The following PRKN variants were observed in gnomAD, a reference collection of about 807,000 sequenced individuals.
The protein encoded by PRKN is E3 ubiquitin-protein ligase parkin.
In PRKN, 56 loss-of-function variants were observed where a neutral mutation model predicts 59.5. The observed-to-expected ratio is 0.94, with a 90% confidence interval of 0.76 to 1.18. The LOEUF (loss-of-function observed/expected upper bound fraction) is 1.18. PRKN is among the 50% of genes most tolerant of loss of function. PRKN has a pLI of 0.00. For synonymous variants in PRKN, 250 were observed against 222.1 expected (o/e 1.13, Z -1.12); for missense variants, 657 against 596.4 (o/e 1.10, Z -1.06).
At chr6:162,276,358 T>G (rs1017650981) in intron 2 of PRKN, among the ~76,000 whole-genome samples, 1 of 152,158 alleles carries the variant, frequency 6.6e-6, no homozygotes, top group African/African-American at 2.4e-5. Flanking sequence ...AGTTTAAGTT[T>G]TTCTGCTTGT....
Position 161,442,957 on chromosome 6 carries a change from G to A in PRKN, c.1084-56080C>T, listed in dbSNP as rs1181271904. ...TCCCCAGTGCACAGATGAGGAAATCGGGGCTCTGAGAGGTTAACTGACCTG... is the reference window on the plus strand; with the variant it reads ...TCCCCAGTGCACAGATGAGGAAATCAGGGCTCTGAGAGGTTAACTGACCTG... On this transcript the variant is annotated intron_variant, in intron 9 of 11. Coordinates refer to ENST00000366898, the MANE Select transcript of PRKN (RefSeq NM_004562.3). The surrounding 1 kb of genome is among the most constrained non-coding windows in gnomAD (Gnocchi z 4.6). Among the ~76,000 whole-genome samples the A allele has an allele frequency of 4.6e-5, 7 of 152,156 alleles. No homozygotes were observed. Among genetic ancestry groups the A allele is most frequent in the South Asian group, 2.1e-4 (1 of 4,818 alleles).
At chr6:162,541,683 C>T (rs1468613413) in intron 1 of PRKN, among the ~76,000 whole-genome samples, 1 of 152,100 alleles carries the variant, frequency 6.6e-6, no homozygotes, top group East Asian at 1.9e-4. Context: ...GTTTGGCATC[C>T]CTCCTCTATT....
At chr6:162,720,820 A>C (rs1010868255) in intron 1 of PRKN, among the ~76,000 whole-genome samples, 2 of 152,196 alleles carry the variant, frequency 1.3e-5, no homozygotes, top group African/African-American at 4.8e-5. Flanking sequence ...ACTATTCTGC[A>C]CTATTCTGGG....
At chr6:162,351,506 C>G (rs934669739) in intron 2 of PRKN, among the ~76,000 whole-genome samples, 5 of 152,128 alleles carry the variant, frequency 3.3e-5, no homozygotes, top group Non-Finnish European at 7.3e-5. Context: ...AATGGTACAA[C>G]TACTTTGGAG....
intron 2 of PRKN, among the ~76,000 whole-genome samples, chr6:162,292,251 A>G (rs1430066320): frequency 6.6e-6 from 1 of 152,168 alleles, no homozygotes; most frequent in African/African-American, 2.4e-5. Context: ...GGTGTGAGCC[A>G]CTGCGCCCGG....
At chr6:161,822,275 A>G (rs1179636081) in intron 6 of PRKN, among the ~76,000 whole-genome samples, 4 of 152,204 alleles carry the variant, frequency 2.6e-5, no homozygotes, top group African/African-American at 4.8e-5. Context: ...AGGGTTTGTT[A>G]TAAGACTTCC....
chr6:162,243,502 T>C (rs939063480), intron 3 of PRKN, among the ~76,000 whole-genome samples: 1 of 152,130 alleles, frequency 6.6e-6, no homozygotes, highest in East Asian at 1.9e-4. Context: ...AAAAAAGTCA[T>C]TGAAATTTTA....
Position 161,837,101 on chromosome 6 carries a change from T to C in PRKN, c.735-51193A>G, listed in dbSNP as rs564212783. ...GCATGGTGCTGTTAATTTTTCAGCA[T>C]AGGGGACGCTCTGCCTGTGACACCA... is the stretch of plus-strand genomic sequence containing the variant. On this transcript the variant is annotated intron_variant, in intron 6 of 11. Transcript: ENST00000366898. Among the ~76,000 whole-genome samples the C allele has an allele frequency of 3.0e-3, 453 of 152,216 alleles. 2 individuals are homozygous for C. Among genetic ancestry groups the C allele is most frequent in the Non-Finnish European group, 5.4e-3 (370 of 68,016 alleles).
At chr6:161,659,360 G>A (rs1024029603) in intron 7 of PRKN, among the ~76,000 whole-genome samples, 1 of 152,138 alleles carries the variant, frequency 6.6e-6, no homozygotes, top group Admixed American at 6.5e-5. Flanking sequence ...GCACAGTGTA[G>A]ATGACACTAA....
At chr6:162,355,244 A>G (rs1328281145) in intron 2 of PRKN, among the ~76,000 whole-genome samples, 1 of 151,046 alleles carries the variant, frequency 6.6e-6, no homozygotes, top group Non-Finnish European at 1.5e-5. Flanking sequence ...TAGAGATCTA[A>G]AACATAATTA....
intron 8 of PRKN, among the ~76,000 whole-genome samples, chr6:161,558,341 C>T (rs962347399): frequency 1.1e-4 from 16 of 151,996 alleles, no homozygotes; most frequent in African/African-American, 3.9e-4. Flanking sequence ...GTGGGAGGAT[C>T]GTTTGAGACC....
At chr6:162,611,659 A>G (rs1279361993) in intron 1 of PRKN, among the ~76,000 whole-genome samples, 1 of 152,178 alleles carries the variant, frequency 6.6e-6, no homozygotes, top group African/African-American at 2.4e-5. Context: ...TTGTTAAAAT[A>G]ATTTCATGTG....
chr6:162,265,915 A>G (rs1476547495), intron 2 of PRKN, among the ~76,000 whole-genome samples: 1 of 152,150 alleles, frequency 6.6e-6, no homozygotes, highest in African/African-American at 2.4e-5. Flanking sequence ...AATGGCAGAC[A>G]GTCCTCTATT....
chr6:162,423,871 A>G (rs1789097136), intron 2 of PRKN, among the ~76,000 whole-genome samples: 1 of 152,182 alleles, frequency 6.6e-6, no homozygotes, highest in African/African-American at 2.4e-5. Context: ...TGAATGCCTA[A>G]TGACAAGGGT....
At chr6:162,699,930 G>C (rs1294750091) in intron 1 of PRKN, among the ~76,000 whole-genome samples, 1 of 152,072 alleles carries the variant, frequency 6.6e-6, no homozygotes, top group Non-Finnish European at 1.5e-5. Flanking sequence ...TATCCTAGAG[G>C]AAGAGACTGA....
intron 4 of PRKN, among the ~76,000 whole-genome samples, chr6:162,135,195 G>T (rs1781518678): frequency 6.6e-6 from 1 of 150,580 alleles, no homozygotes; most frequent in Non-Finnish European, 1.5e-5. Context: ...GGAGTGCAGT[G>T]GCCTGATCAT....
chr6:162,403,132 T>C (rs560023780), intron 2 of PRKN, among the ~76,000 whole-genome samples: 10 of 152,296 alleles, frequency 6.6e-5, no homozygotes, highest in South Asian at 2.1e-4. Context: ...CTTCTCAACA[T>C]TGGTTTACAG....
intron 2 of PRKN, among the ~76,000 whole-genome samples, chr6:162,382,789 C>T (rs946246281): frequency 6.6e-6 from 1 of 152,212 alleles, no homozygotes; most frequent in Non-Finnish European, 1.5e-5. Flanking sequence ...AATGTATTTT[C>T]AAATTTGGAG....
rs979847249 is a variant in PRKN at position 161,488,635 on chromosome 6, A to C, written c.1083+60219T>G. On this transcript the variant is annotated intron_variant, in intron 9 of 11. Coordinates refer to ENST00000366898, the MANE Select transcript of PRKN (RefSeq NM_004562.3). This position sits in a 1 kb window ranked among gnomAD's most constrained non-coding sequence, Gnocchi z 4.5. ...TGAGTAGGTGGGACTAAAGGCATGCACCACCACACCTGGCTAATTTTTAAA... is the reference window on the plus strand; with the variant it reads ...TGAGTAGGTGGGACTAAAGGCATGCCCCACCACACCTGGCTAATTTTTAAA... 6.6e-6 allele frequency among the ~76,000 whole-genome samples: 1 copy of C among 151,930 alleles called. No homozygotes were observed. Among genetic ancestry groups the C allele is most frequent in the African/African-American group, 2.4e-5 (1 of 41,364 alleles).
Sources: gnomAD v4.1 joint callset for allele counts (sites outside exome capture counted in the v4.1 genomes callset) on GRCh38, gnomAD v4.1.1 for gene constraint, Gnocchi (gnomAD v3.1) non-coding constraint, MANE v1.5 for transcripts, NCBI Gene and HGNC (gene_info 2026-07-23, HGNC 2026-07-21) for gene names.